Variants in WWOX observed in about 807,000 individuals in gnomAD.
The protein encoded by WWOX is WW domain containing oxidoreductase, also known as WW domain-containing oxidoreductase.
Under a neutral mutation model 46.2 loss-of-function variants are expected in WWOX, and 69 were observed. The ratio of observed to expected loss-of-function variants is 1.49; its 90% CI spans 1.23 to 1.82. The LOEUF is 1.82. WWOX is among the 40% of genes most tolerant of loss of function. The pLI is 0.00. For missense variants in WWOX, 919 were observed against 542.6 expected, an observed-to-expected ratio of 1.69 and a Z score of -6.89; for synonymous variants, 359 against 202.6, an observed-to-expected ratio of 1.77 and a Z score of -6.56.
intron 8 of WWOX, among the ~76,000 whole-genome samples, chr16:78,750,447 T>A (rs2142447581): frequency 6.6e-6 from 1 of 152,334 alleles, no homozygotes; most frequent in Admixed American, 6.5e-5. Context: ...GTTTCATTTA[T>A]TTATCATGTG....
At chr16:78,763,956 C>G (rs1168615691) in intron 8 of WWOX, among the ~76,000 whole-genome samples, 1 of 152,192 alleles carries the variant, frequency 6.6e-6, no homozygotes, top group African/African-American at 2.4e-5. Flanking sequence ...AAGCCCCACT[C>G]TCCCTCTGCC....
chr16:78,892,924 A>C (rs1348496689), intron 8 of WWOX, among the ~76,000 whole-genome samples: 1 of 152,170 alleles, frequency 6.6e-6, no homozygotes, highest in Admixed American at 6.6e-5. Context: ...AAGGGCAATG[A>C]AGGGTCTTTT....
At chr16:78,972,394 A>G (rs766128171) in intron 8 of WWOX, among the ~76,000 whole-genome samples, 1 of 151,954 alleles carries the variant, frequency 6.6e-6, no homozygotes, top group Non-Finnish European at 1.5e-5. Flanking sequence ...TTAATCAGAC[A>G]TTATTTATAT....
intron 8 of WWOX, among the ~76,000 whole-genome samples, chr16:79,031,094 A>AG (rs1396570410): frequency 6.8e-6 from 1 of 146,878 alleles, no homozygotes; most frequent in African/African-American, 2.5e-5. Context: ...CCCTGTCTCA[A>AG]AAAAAAAAAA....
intron 4 of WWOX, among the ~76,000 whole-genome samples, chr16:78,152,762 G>A (rs1445416125): frequency 1.3e-5 from 2 of 152,238 alleles, no homozygotes; most frequent in Non-Finnish European, 2.9e-5. Context: ...GAGATCTCAT[G>A]CAGTCAACTG....
chr16:79,186,072 T>G (rs1452834423), intron 8 of WWOX, among the ~76,000 whole-genome samples: 3 of 152,048 alleles, frequency 2.0e-5, no homozygotes, highest in Non-Finnish European at 2.9e-5. Flanking sequence ...CAAAAAATGA[T>G]GTTGGGTGTT....
rs962725844 is a variant in WWOX at position 79,170,668 on chromosome 16, C to G, written c.1057-40940C>G. On this transcript the variant is annotated intron_variant, in intron 8 of 8. Transcript: ENST00000566780. ...TCACTTTCACAGTCAAGAGTTACTT[C>G]TATTTTTTTTTACAGTAAATGCGCT... 8.6e-5 allele frequency among the ~76,000 whole-genome samples: 10 copies of G among 116,802 alleles called. No homozygotes were observed. The East Asian group carries it at 3.9e-3, about 46-fold the overall frequency. The allele number at this position is 116,802 out of a possible 152,430, so 76.6% of individuals were successfully genotyped here.
intron 6 of WWOX, among the ~76,000 whole-genome samples, chr16:78,414,371 C>G (rs1033015117): frequency 6.6e-6 from 1 of 152,136 alleles, no homozygotes; most frequent in Non-Finnish European, 1.5e-5. Flanking sequence ...GAGTTCAAGA[C>G]CAGCCTGGCC....
intron 8 of WWOX, among the ~76,000 whole-genome samples, chr16:78,685,478 G>A (rs562246615): frequency 3.3e-5 from 5 of 152,200 alleles, no homozygotes; most frequent in Non-Finnish European, 7.3e-5. Context: ...CCTAGCATGG[G>A]AGTTAAGTGC....
intron 8 of WWOX, among the ~76,000 whole-genome samples, chr16:78,703,502 G>A (rs1289423711): frequency 6.6e-6 from 1 of 151,812 alleles, no homozygotes; most frequent in Non-Finnish European, 1.5e-5. Flanking sequence ...TGTAGCTCCA[G>A]CTACTCAGAG....
intron 5 of WWOX, among the ~76,000 whole-genome samples, chr16:78,336,715 A>T (rs1258545008): frequency 6.6e-6 from 1 of 152,092 alleles, no homozygotes; most frequent in Admixed American, 6.6e-5. Flanking sequence ...ATTTTTTTAA[A>T]AATTAGAGGC....
intron 8 of WWOX, among the ~76,000 whole-genome samples, chr16:79,091,704 T>C (rs959945929): frequency 2.0e-5 from 3 of 152,104 alleles, no homozygotes; most frequent in Non-Finnish European, 4.4e-5. Flanking sequence ...CCTAAGGACT[T>C]TGCTAGATAA....
chr16:78,460,231 G>A (rs1314604716), intron 8 of WWOX, among the ~76,000 whole-genome samples: 1 of 152,084 alleles, frequency 6.6e-6, no homozygotes, highest in South Asian at 2.1e-4. Context: ...GGATTCAAGA[G>A]ATTCTTGTGC....
chr16:78,401,110 T>C (rs2082402568), intron 6 of WWOX, among the ~76,000 whole-genome samples: 2 of 152,212 alleles, frequency 1.3e-5, no homozygotes, highest in African/African-American at 4.8e-5. Flanking sequence ...ATGAGCCATG[T>C]CCAGCTGCCT....
rs537044957 is a variant in WWOX at position 79,186,697 on chromosome 16, C to A, written c.1057-24911C>A. Among the ~76,000 whole-genome samples the A allele has an allele frequency of 1.4e-3, 211 of 152,196 alleles. 2 individuals carry two copies. Among genetic ancestry groups the A allele is most frequent in the Middle Eastern group, 6.8e-3 (2 of 294 alleles). On this transcript the variant is annotated intron_variant, in intron 8 of 8. Coordinates refer to ENST00000566780, the MANE Select transcript of WWOX (RefSeq NM_016373.4). ...AGTAATACTAGTAATCATCTCACTC[C>A]TGTAAACAGTACAGTTGCCATACCT...
At chr16:79,156,768 G>A (rs535671407) in intron 8 of WWOX, among the ~76,000 whole-genome samples, 3 of 147,924 alleles carry the variant, frequency 2.0e-5, no homozygotes, top group African/African-American at 7.8e-5. Context: ...TCCAAGGGAT[G>A]TATGATGTAT....
chr16:78,449,984 A>G (rs1436509186), intron 8 of WWOX, among the ~76,000 whole-genome samples: 2 of 151,958 alleles, frequency 1.3e-5, no homozygotes, highest in African/African-American at 2.4e-5. Context: ...ATGTAATCCT[A>G]GGATTTGTTG....
Position 78,522,358 on chromosome 16 carries a change from G to C in WWOX, c.1056+89606G>C, listed in dbSNP as rs549541375. 3.9e-4 allele frequency among the ~76,000 whole-genome samples: 59 copies of C among 152,254 alleles called. 3 individuals carry two copies. The South Asian group carries it at 0.011, about 27-fold the overall frequency. Reference sequence around the variant, plus strand: ...GCACAACAAAAACCTAATTCTTTGAGTGTTTCTGAGGCCAAGCCTTTTCCC... The same window carrying C: ...GCACAACAAAAACCTAATTCTTTGACTGTTTCTGAGGCCAAGCCTTTTCCC... On this transcript the variant is annotated intron_variant, in intron 8 of 8. Coordinates refer to ENST00000566780, the MANE Select transcript of WWOX (RefSeq NM_016373.4).
intron 8 of WWOX, among the ~76,000 whole-genome samples, chr16:78,434,368 G>C (rs1026812462): frequency 2.6e-5 from 4 of 152,148 alleles, no homozygotes; most frequent in African/African-American, 7.2e-5. Flanking sequence ...CTTTGCTCCC[G>C]ATGACTGCAT....
Sources: allele counts gnomAD v4.1 joint callset (sites outside exome capture counted in the v4.1 genomes callset), GRCh38; gene constraint gnomAD v4.1.1; transcripts MANE v1.5; gene names NCBI Gene and HGNC (gene_info 2026-07-23, HGNC 2026-07-21).